The following FHOD1 variants were observed in gnomAD, a reference collection of about 807,000 sequenced individuals.
FHOD1 encodes the protein FH1/FH2 domain-containing protein 1.
In FHOD1, 89 loss-of-function variants were observed where a neutral mutation model predicts 111.6. That is an observed-to-expected ratio of 0.80 (90% confidence interval 0.67 to 0.95). The LOEUF is 0.95. Ranked by LOEUF, FHOD1 falls within the 40% of genes least tolerant of loss-of-function variation. FHOD1 has a pLI of 0.00. For synonymous variants in FHOD1, 618 were observed against 639.0 expected (o/e 0.97, Z 0.50); for missense variants, 1,446 against 1,554.2 (o/e 0.93, Z 1.17).
chr16:67,229,537 C>CA lies in FHOD1; in HGVS notation c.*98dup. 2 of 1,089,548 alleles carry CA rather than the reference C, an allele frequency of 1.8e-6. No individual in the cohort carries two copies. The highest frequency in any genetic ancestry group is 2.8e-6 in the Non-Finnish European group (2 of 707,116). The allele number at this position is 1,089,548 out of a possible 1,614,324, so 67.5% of individuals were successfully genotyped here. ...CTGCTCAAGGCATGGCTCCTGGGCA[C>CA]AGAGTTCTGGGGCCAGAATTCTGCT... On this transcript the variant is annotated 3_prime_UTR_variant, in exon 22 of 22. Transcript: ENST00000258201.
Position 67,238,121 on chromosome 16 carries a change from G to T in FHOD1, c.555C>A (p.Gly185=). Reference sequence around the variant, plus strand: ...TTCCATCCACAAAGAGCATCAGCTGGCCGAGCGCTGGGGAAACAGGGATGG... The same window carrying T: ...TTCCATCCACAAAGAGCATCAGCTGTCCGAGCGCTGGGGAAACAGGGATGG... ...NYQSYILRAL[G]QLMLFVDGML... The change falls in exon 6 of 22, where the codon GGC becomes GGA. Residue 185 remains glycine, a synonymous_variant. Transcript: ENST00000258201. This position sits in a 1 kb window ranked among gnomAD's most constrained non-coding sequence, Gnocchi z 4.2. 9 of 1,614,228 alleles carry T rather than the reference G, an allele frequency of 5.6e-6. No homozygotes were observed. The highest frequency in any genetic ancestry group is 7.6e-6 in the Non-Finnish European group (9 of 1,180,040).
rs1264202372 is a variant in FHOD1 at position 67,237,408 on chromosome 16, G to A, written c.850-26C>T. 1 of 1,613,872 alleles carries A rather than the reference G, an allele frequency of 6.2e-7. No individual in the cohort carries two copies. The highest frequency in any genetic ancestry group is 8.5e-7 in the Non-Finnish European group (1 of 1,179,716). ...CTGGAGGGCGGGGATAAGAAGGCAA[G>A]GCTGAGGTTGGTGGGGAGGTCAGGA... is the stretch of plus-strand genomic sequence containing the variant. On this transcript the variant is annotated intron_variant, in intron 8 of 21. Coordinates refer to ENST00000258201, the MANE Select transcript of FHOD1 (RefSeq NM_013241.3). This position sits in a 1 kb window ranked among gnomAD's most constrained non-coding sequence, Gnocchi z 5.6.
In FHOD1 at chr16:67,233,774, A is replaced by G; in HGVS notation, c.1929T>C (p.Ser643=). 1 of 1,613,862 alleles carries G rather than the reference A, an allele frequency of 6.2e-7. No individual in the cohort carries two copies. The part of the protein sequence containing the change: ...ELKLAGGHGV[S]ASRFGPCATL... ...TGGCGCAGGGCCCAAAGCGGCTTGC[A>G]GAGACTCCATGGCCCCCAGCCAGCT... is the stretch of plus-strand genomic sequence containing the variant. Residue 643 remains serine, a synonymous_variant, in exon 13 of 22, where the codon TCT becomes TCC. Transcript: ENST00000258201.
At chr16:67,234,619 A>AT (rs1555497007) in intron 11 of FHOD1, 147 bp from the exon 12 acceptor site, 1 of 600,406 alleles carries the variant, frequency 1.7e-6, no homozygotes, top group Non-Finnish European at 2.9e-6. Flanking sequence ...CCAGAACCAC[A>AT]CCCCCCCCAA....
chr16:67,239,985 G>T (rs946458973), intron 1 of FHOD1, among the ~76,000 whole-genome samples: 1 of 152,184 alleles, frequency 6.6e-6, no homozygotes, highest in African/African-American at 2.4e-5. Flanking sequence ...GCCCTGTGGG[G>T]TGATAAGCTA....
At chr16:67,230,826 C>A (rs374066939) in intron 17 of FHOD1, 35 bp from the exon 18 acceptor site, 22 of 1,547,554 alleles carry the variant, frequency 1.4e-5, no homozygotes, top group Admixed American at 1.9e-5. Context: ...ACTGTCCCCC[C>A]ACACCCTGTA....
intron 1 of FHOD1, among the ~76,000 whole-genome samples, chr16:67,245,912 C>T (rs986784931): frequency 2.0e-5 from 3 of 152,192 alleles, no homozygotes; most frequent in African/African-American, 7.2e-5. Context: ...GTCTTCCCAG[C>T]CCCCATCCTG....
chr16:67,240,328 A>C (rs2034630516), intron 1 of FHOD1, among the ~76,000 whole-genome samples: 1 of 152,192 alleles, frequency 6.6e-6, no homozygotes, highest in Non-Finnish European at 1.5e-5. Context: ...GGAGTTCTAG[A>C]CCAGCCTGGC....
intron 1 of FHOD1, among the ~76,000 whole-genome samples, chr16:67,245,114 C>T (rs1597332952): frequency 3.9e-5 from 6 of 152,172 alleles, no homozygotes; most frequent in African/African-American, 1.4e-4. Context: ...TCTGACCATT[C>T]CTGGCAGAGT....
chr16:67,235,066 A>T (rs1004274027), intron 11 of FHOD1, among the ~76,000 whole-genome samples: 2 of 152,150 alleles, frequency 1.3e-5, no homozygotes, highest in Admixed American at 6.5e-5. Context: ...GCCAAATTTT[A>T]AAAAATTTCT....
rs762747529 is a variant in FHOD1, at chr16:67,233,732, C to G, written c.1971G>C (p.Leu657=). Residue 657 remains leucine (L), a synonymous_variant, in exon 13 of 22, where the codon CTG becomes CTC. Transcript: ENST00000258201. ...GGGCCGTGTCCACTGAGACAGGGTC[C>G]AGTGAAGCCCAGAGGGTGGCGCAGG... ...FGPCATLWAS[L]DPVSVDTARL... 1.9e-6 allele frequency: 3 copies of G among 1,613,580 alleles called. No individual in the cohort carries two copies. The African/African-American group carries it at 4.0e-5, about 22-fold the overall frequency.
chr16:67,234,621 C>A (rs1476922301), intron 11 of FHOD1, 149 bp from the exon 12 acceptor site: 1 of 633,636 alleles, frequency 1.6e-6, no homozygotes, highest in African/African-American at 1.8e-5. Context: ...AGAACCACAC[C>A]CCCCCCAAGG....
In FHOD1 at chr16:67,236,462, G is replaced by A. The variant is rs765999543; in HGVS notation, c.1319+95C>T. ...GGAAAGAGAGAGAGAGAAAGCACGC[G>A]TTTGGGCAGAGGAGGCTGAGTGCCC... On this transcript the variant is annotated intron_variant, in intron 11 of 21. Coordinates refer to ENST00000258201, the MANE Select transcript of FHOD1 (RefSeq NM_013241.3). 7.8e-6 allele frequency: 12 copies of A among 1,543,488 alleles called. No homozygotes were observed. The East Asian group carries it at 1.9e-4, about 25-fold the overall frequency.
intron 13 of FHOD1, among the ~76,000 whole-genome samples, chr16:67,232,852 G>A (rs536367894): frequency 6.6e-6 from 1 of 150,608 alleles, no homozygotes; most frequent in East Asian, 2.0e-4. Context: ...CGCCTCCCAG[G>A]TTCAAGCAAT....
chr16:67,232,342 C>A (rs2034311597), intron 13 of FHOD1, 148 bp from the exon 14 acceptor site: 2 of 694,946 alleles, frequency 2.9e-6, no homozygotes, highest in Non-Finnish European at 4.7e-6. Flanking sequence ...ATGGTGAAAC[C>A]CCATCTCTAC....
chr16:67,232,219 G>C (rs778447930), intron 13 of FHOD1, 25 bp from the exon 14 acceptor site: 1 of 1,612,678 alleles, frequency 6.2e-7, no homozygotes, highest in East Asian at 2.2e-5. Context: ...GAAGGGCAGT[G>C]TAAGACTGAG....
chr16:67,236,162 T>C (rs924041535), intron 11 of FHOD1: 15 of 552,062 alleles, frequency 2.7e-5, no homozygotes, highest in Admixed American at 6.4e-5. Flanking sequence ...GATATTGGGG[T>C]TCCTTCCCAG....
chr16:67,247,213 G>A lies in FHOD1; in HGVS notation c.198C>T (p.Leu66=), dbSNP rs755143312. 1.0e-4 allele frequency: 161 copies of A among 1,573,406 alleles called. No individual in the cohort carries two copies. Among genetic ancestry groups the A allele is most frequent in the Non-Finnish European group, 1.3e-4 (153 of 1,162,936 alleles). The change falls in exon 1 of 22, where the codon CTC becomes CTT. Residue 66 remains leucine (L), a synonymous_variant. Transcript: ENST00000258201. ...ACCTTTCTCCGGCCTCCCTCACCTT[G>A]AGCGGCGCTCCCAGCAGGCGGTGCA... The part of the protein sequence containing the change: ...PAVHRLLGAP[L]KLEDCALQVS...
chr16:67,230,817 C>T, intron 17 of FHOD1, 26 bp from the exon 18 acceptor site: 1 of 1,560,646 alleles, frequency 6.4e-7, no homozygotes, highest in Non-Finnish European at 8.7e-7. Context: ...GGTGCACATA[C>T]TGTCCCCCCA....
Sources: allele counts gnomAD v4.1 joint callset (sites outside exome capture counted in the v4.1 genomes callset), GRCh38; gene constraint gnomAD v4.1.1; non-coding constraint Gnocchi (gnomAD v3.1); transcripts MANE v1.5; gene names NCBI Gene and HGNC (gene_info 2026-07-23, HGNC 2026-07-21).